FETUB: variants seen among roughly 807,000 people sequenced by gnomAD.
FETUB encodes fetuin B, also known as fetuin-B.
FETUB carries 28 observed loss-of-function variants against 30.9 expected under a neutral mutation model. That is an observed-to-expected ratio of 0.90 (90% CI 0.67 to 1.24). FETUB has a LOEUF of 1.24. Ranked by LOEUF, FETUB falls within the 50% of genes most tolerant of loss-of-function variation. The pLI, the probability that FETUB is intolerant of heterozygous loss-of-function variation, is 0.00. For synonymous variants in FETUB, 186 were observed against 175.9 expected (o/e 1.06, Z -0.45); for missense variants, 469 against 455.3 (o/e 1.03, Z -0.27).
Position 186,651,208 on chromosome 3 carries a change from T to C in FETUB, c.697-10T>C. 1.3e-6 allele frequency: 2 copies of C among 1,595,304 alleles called. No individual in the cohort carries two copies. Among genetic ancestry groups the C allele is most frequent in the Non-Finnish European group, 1.7e-6 (2 of 1,163,046 alleles). On this transcript the variant is annotated splice_polypyrimidine_tract_variant and intron_variant, in intron 5 of 6. Coordinates refer to ENST00000265029, the MANE Select transcript of FETUB (RefSeq NM_014375.3). ...GTAATACTCACATGACATTGTATTT[T>C]CTCTTTTAGCCTGTTGGTCTTTGCA...
At chr3:186,641,619 A>G (rs1404595371) in intron 2 of FETUB, 2 of 152,900 alleles carry the variant, frequency 1.3e-5, no homozygotes, top group Non-Finnish European at 2.9e-5. Flanking sequence ...CCGTGTAAGG[A>G]TTTCCTGAAA....
chr3:186,650,835 A>G (rs537382753), intron 5 of FETUB, among the ~76,000 whole-genome samples: 1 of 152,354 alleles, frequency 6.6e-6, no homozygotes, highest in African/African-American at 2.4e-5. Flanking sequence ...TTGTCTGAGA[A>G]GAGAAATGTC....
chr3:186,652,125 T>A, intron 6 of FETUB, 138 bp from the exon 7 acceptor site: 1 of 954,634 alleles, frequency 1.0e-6, no homozygotes, highest in Non-Finnish European at 1.5e-6. Context: ...TTTTAACCCT[T>A]TCACCAGGAG....
At chr3:186,636,178 G>C (rs923216399), upstream of FETUB, 1 of 152,314 alleles carries the variant, frequency 6.6e-6, no homozygotes, top group Non-Finnish European at 1.5e-5. Context: ...GCTTCCCTGA[G>C]AGGACTGCGC....
Position 186,646,343 on chromosome 3 carries a change from C to T in FETUB, c.690C>T (p.Asp230=). Residue 230 remains aspartate, a synonymous_variant, in exon 5 of 7, where the codon GAC becomes GAT. Transcript: ENST00000265029. The stretch of plus-strand genomic sequence containing the variant: ...GCAGCTGTTCACTTCAGTCCTCCGA[C>T]TCTGTGGTGAGTTTTCCTGAATGTC... ...QASSCSLQSS[D]SVPVGLCKGS... 1.2e-6 allele frequency: 2 copies of T among 1,609,810 alleles called. No homozygotes were observed. The highest frequency in any genetic ancestry group is 8.5e-7 in the Non-Finnish European group (1 of 1,176,146).
intron 3 of FETUB, among the ~76,000 whole-genome samples, chr3:186,644,413 C>T (rs931000644): frequency 6.6e-6 from 1 of 152,138 alleles, no homozygotes; most frequent in African/African-American, 2.4e-5. Flanking sequence ...GTAATGAAAT[C>T]CCAATCTCTG....
intron 1 of FETUB, 135 bp downstream of exon 1, chr3:186,640,820 T>C: frequency 1.3e-6 from 1 of 766,128 alleles, no homozygotes; most frequent in Non-Finnish European, 2.2e-6. Flanking sequence ...TCTGTTCTCC[T>C]CTGCCAGGGT....
At chr3:186,646,177 C>G in intron 4 of FETUB, 71 bp from the exon 5 acceptor site, 2 of 1,071,500 alleles carry the variant, frequency 1.9e-6, no homozygotes, top group East Asian at 2.4e-5. Flanking sequence ...AGATATAACG[C>G]TGCCAAACCT....
intron 3 of FETUB, 61 bp from the exon 4 acceptor site, chr3:186,644,690 C>A: frequency 7.4e-7 from 1 of 1,351,184 alleles, no homozygotes; most frequent in Non-Finnish European, 1.0e-6. Flanking sequence ...TGCCTCTTTA[C>A]AGTCATATGA....
In FETUB at chr3:186,644,850, T is replaced by C. The variant is rs753484336; in HGVS notation, c.524T>C (p.Leu175Pro). Residue 175 changes from leucine (L) to proline (P), a missense_variant, in exon 4 of 7, where the codon CTT becomes CCT. Physicochemically the swap from Leu to Pro is moderately conservative, Grantham distance 98 (BLOSUM62 -3). Coordinates refer to ENST00000265029, the MANE Select transcript of FETUB (RefSeq NM_014375.3). Reference protein sequence around the residue: ...HQVLEAATESLAKYNNENTSK... With the variant: ...HQVLEAATESPAKYNNENTSK... ...GTGCTGGAGGCTGCCACCGAGTCTC[T>C]TGCGAAATACAACAATGAGAACACA... 1.9e-6 allele frequency: 3 copies of C among 1,614,002 alleles called. No individual in the cohort carries two copies. The highest frequency in any genetic ancestry group is 1.1e-5 in the South Asian group (1 of 91,060).
chr3:186,646,902 G>A (rs925528147), intron 5 of FETUB: 5 of 152,276 alleles, frequency 3.3e-5, no homozygotes, highest in Non-Finnish European at 7.3e-5. Context: ...CAGTTCAGTA[G>A]TTTTTAGTAT....
Position 186,640,652 on chromosome 3 carries a change from C to T in FETUB, c.192C>T (p.Leu64=), listed in dbSNP as rs759312433. 7 of 1,613,958 alleles carry T rather than the reference C, an allele frequency of 4.3e-6. No homozygotes were observed. In the African/African-American group the frequency reaches 5.3e-5, roughly 12 times the overall value. The change falls in exon 1 of 7, where the codon CTC becomes CTT. Residue 64 remains leucine (L), a synonymous_variant. Coordinates refer to ENST00000265029, the MANE Select transcript of FETUB (RefSeq NM_014375.3). ...GAAAGGATGGCTATGTGCTGAGACT[C>T]AACCGAGTGAACGACGCCCAGGAAT... ...KDRKDGYVLR[L]NRVNDAQEYR...
chr3:186,651,162 G>T, intron 5 of FETUB, 56 bp from the exon 6 acceptor site: 1 of 1,171,284 alleles, frequency 8.5e-7, no homozygotes, highest in South Asian at 1.2e-5. Flanking sequence ...AAAGCTAGTT[G>T]ATTTCCATCT....
At chr3:186,649,221 C>G (rs1717791098) in intron 5 of FETUB, among the ~76,000 whole-genome samples, 1 of 152,140 alleles carries the variant, frequency 6.6e-6, no homozygotes, top group Non-Finnish European at 1.5e-5. Flanking sequence ...GCACCATTCC[C>G]CAGACACTTC....
upstream of FETUB, among the ~76,000 whole-genome samples, chr3:186,638,904 C>T (rs1474501448): frequency 6.6e-6 from 1 of 152,190 alleles, no homozygotes; most frequent in Non-Finnish European, 1.5e-5. Flanking sequence ...ACCCATTTTG[C>T]TAGTATCGTT....
At chr3:186,648,581 C>T (rs989409076) in intron 5 of FETUB, among the ~76,000 whole-genome samples, 1 of 152,216 alleles carries the variant, frequency 6.6e-6, no homozygotes, top group African/African-American at 2.4e-5. Flanking sequence ...TGTACATCAA[C>T]GTTGAAAGTA....
intron 2 of FETUB, chr3:186,642,237 C>G (rs1314719476): frequency 2.2e-6 from 1 of 464,406 alleles, no homozygotes; most frequent in Non-Finnish European, 3.8e-6. Context: ...GTGGTTAGAA[C>G]TCAATTATAC....
At chr3:186,651,197 A>G in intron 5 of FETUB, 21 bp from the exon 6 acceptor site, 3 of 1,539,448 alleles carry the variant, frequency 1.9e-6, no homozygotes, top group Non-Finnish European at 2.7e-6. Context: ...TACTCACATG[A>G]CATTGTATTT....
intron 5 of FETUB, among the ~76,000 whole-genome samples, chr3:186,650,179 G>GT (rs1468767707): frequency 1.1e-5 from 1 of 90,762 alleles, no homozygotes; most frequent in African/African-American, 3.9e-5. Context: ...GTGGGGGGGG[G>GT]GGGTAAATCA....
Sources: allele counts gnomAD v4.1 joint callset (sites outside exome capture counted in the v4.1 genomes callset), GRCh38; gene constraint gnomAD v4.1.1; transcripts MANE v1.5; gene names NCBI Gene and HGNC (gene_info 2026-07-23, HGNC 2026-07-21).